Variants in COPS7B observed in about 807,000 individuals in gnomAD.
The protein encoded by COPS7B is COP9 signalosome complex subunit 7b.
COPS7B carries 9 observed loss-of-function variants against 33.4 expected under a neutral mutation model. The observed-to-expected ratio is 0.27, with a 90% confidence interval of 0.16 to 0.47. The LOEUF is 0.47. Ranked by LOEUF, COPS7B falls within the 20% of genes least tolerant of loss-of-function variation. The probability of loss-of-function intolerance (pLI) is 0.99; values close to 1 mark genes in which losing one functional copy is unlikely to be tolerated. For missense variants in COPS7B, 242 were observed against 318.2 expected (o/e 0.76, Z 1.82); for synonymous variants, 119 against 126.3 (o/e 0.94, Z 0.39).
chr2:231,798,288 G>A (rs115443069), intron 5 of COPS7B, among the ~76,000 whole-genome samples: 6 of 114,428 alleles, frequency 5.2e-5, no homozygotes, highest in Non-Finnish European at 8.5e-5. Flanking sequence ...GCAGAGTTTC[G>A]CTCTGTCACC....
chr2:231,782,566 C>T (rs929992058), upstream of COPS7B, among the ~76,000 whole-genome samples: 10 of 152,140 alleles, frequency 6.6e-5, no homozygotes, highest in Admixed American at 6.6e-4. Context: ...TGTAATTCAA[C>T]AAATATCTTT....
In COPS7B at chr2:231,809,003, T is replaced by C. The variant is rs2049977939; in HGVS notation, c.*1358T>C. ...GGTGGTTCAGGAAAATGTGATGCTG[T>C]TTCCCCATGTTTAGCCATGGTCAAA... On this transcript the variant is annotated 3_prime_UTR_variant, in exon 7 of 7. Coordinates refer to ENST00000350033, the MANE Select transcript of COPS7B (RefSeq NM_022730.4). 1 of 152,426 alleles carries C rather than the reference T, an allele frequency of 6.6e-6. No individual in the cohort carries two copies. Among genetic ancestry groups the C allele is most frequent in the South Asian group, 2.1e-4 (1 of 4,842 alleles). The allele number at this position is 152,426 out of a possible 1,614,324, so 9.4% of individuals were successfully genotyped here. A position where few individuals can be genotyped will look rare whatever the true frequency, so the allele number is the denominator to read the frequency against.
upstream of COPS7B, chr2:231,781,833 C>T (rs1386120790): frequency 3.9e-6 from 6 of 1,550,764 alleles, no homozygotes; most frequent in East Asian, 2.4e-5. Context: ...GATGACAGCC[C>T]GCAGAGAGTT....
intron 3 of COPS7B, among the ~76,000 whole-genome samples, chr2:231,792,610 TTA>T (rs2049449741): frequency 6.6e-6 from 1 of 152,240 alleles, no homozygotes; most frequent in African/African-American, 2.4e-5. Flanking sequence ...GTATACAGTT[TTA>T]TGTCTTGCTT....
At chr2:231,787,452 CTGT>C (rs2106306587) in intron 1 of COPS7B, among the ~76,000 whole-genome samples, 1 of 152,330 alleles carries the variant, frequency 6.6e-6, no homozygotes, top group East Asian at 1.9e-4. Flanking sequence ...CCTGGAACTC[CTGT>C]ACACTCAGCG....
At chr2:231,799,091 G>C in intron 6 of COPS7B, 127 bp downstream of exon 6, 1 of 763,294 alleles carries the variant, frequency 1.3e-6, no homozygotes, top group Non-Finnish European at 2.2e-6. Flanking sequence ...AGTGGGCCTG[G>C]GCTAGGTGCT....
chr2:231,807,792 C>T lies in COPS7B; in HGVS notation c.*147C>T. The T allele has an allele frequency of 2.9e-6, 2 of 686,158 alleles. No individual in the cohort carries two copies. Among genetic ancestry groups the T allele is most frequent in the South Asian group, 4.1e-5 (2 of 48,370 alleles). 42.5% of individuals were successfully genotyped at this position (686,158 alleles called of 1,614,324 possible). ...CCTCCCCACCCTGTTGGTACTGTTC[C>T]AGAAAAACTGTTACTCCCCCTCACC... On this transcript the variant is annotated 3_prime_UTR_variant, in exon 7 of 7. Coordinates refer to ENST00000350033, the MANE Select transcript of COPS7B (RefSeq NM_022730.4).
At chr2:231,787,592 C>T (rs370782818) in intron 1 of COPS7B, among the ~76,000 whole-genome samples, 23 of 150,654 alleles carry the variant, frequency 1.5e-4, no homozygotes, top group African/African-American at 5.4e-4. Context: ...TTTACACATT[C>T]TGAAGTCACG....
At chr2:231,797,459 C>T (rs2049604505) in intron 5 of COPS7B, among the ~76,000 whole-genome samples, 1 of 152,222 alleles carries the variant, frequency 6.6e-6, no homozygotes, top group Non-Finnish European at 1.5e-5. Context: ...GTCTGGCACA[C>T]AAAATCTAGT....
At chr2:231,784,227 ATC>A (rs1449139848), upstream of COPS7B, among the ~76,000 whole-genome samples, 2 of 151,896 alleles carry the variant, frequency 1.3e-5, no homozygotes, top group Non-Finnish European at 2.9e-5. Flanking sequence ...CACGCCTGTA[ATC>A]TCAGCACTCT....
chr2:231,783,555 G>A (rs1221049351), upstream of COPS7B, among the ~76,000 whole-genome samples: 1 of 152,140 alleles, frequency 6.6e-6, no homozygotes, highest in Non-Finnish European at 1.5e-5. Context: ...CTAGTTGAAC[G>A]TCCTCTTTCG....
intron 1 of COPS7B, among the ~76,000 whole-genome samples, chr2:231,787,658 T>G (rs1450733321): frequency 6.6e-6 from 1 of 152,210 alleles, no homozygotes; most frequent in Non-Finnish European, 1.5e-5. Context: ...TTCCCCATGG[T>G]CTTACACAGC....
intron 3 of COPS7B, 48 bp downstream of exon 3, chr2:231,791,856 C>T: frequency 6.6e-6 from 10 of 1,521,356 alleles, no homozygotes; most frequent in Non-Finnish European, 9.1e-6. Flanking sequence ...TTATGTTGCT[C>T]AGTTTGGAAG....
intron 6 of COPS7B, among the ~76,000 whole-genome samples, chr2:231,806,457 G>A (rs78323264): frequency 0.015 from 2,219 of 151,814 alleles, 64 homozygotes; most frequent in African/African-American, 0.051. Context: ...GGAGGCTGAG[G>A]TGGGAGGATC....
chr2:231,782,295 C>T (rs192203272), upstream of COPS7B, among the ~76,000 whole-genome samples: 108 of 152,366 alleles, frequency 7.1e-4, no homozygotes, highest in Non-Finnish European at 3.1e-4. Context: ...ACTGTTGAAA[C>T]ACCCAGAATT....
intron 6 of COPS7B, among the ~76,000 whole-genome samples, chr2:231,807,106 G>A (rs2049916199): frequency 1.3e-5 from 2 of 152,202 alleles, no homozygotes; most frequent in African/African-American, 2.4e-5. Context: ...AAGGTTCATG[G>A]AGCTGTATTC....
chr2:231,782,628 C>T (rs556404451), upstream of COPS7B, among the ~76,000 whole-genome samples: 2 of 152,248 alleles, frequency 1.3e-5, no homozygotes, highest in East Asian at 3.9e-4. Context: ...AGGACATGGT[C>T]ACTGCCACCA....
At chr2:231,802,880 G>C (rs944862154) in intron 6 of COPS7B, among the ~76,000 whole-genome samples, 3 of 152,246 alleles carry the variant, frequency 2.0e-5, no homozygotes, top group Non-Finnish European at 2.9e-5. Flanking sequence ...AAGCTGACTT[G>C]AGCAAAGTGT....
chr2:231,790,239 G>T (rs951111344), intron 2 of COPS7B: 1 of 152,242 alleles, frequency 6.6e-6, no homozygotes, highest in Non-Finnish European at 1.5e-5. Context: ...GTGGAAGATT[G>T]GCTAAGAGGA....
Sources: gnomAD v4.1 joint callset for allele counts (sites outside exome capture counted in the v4.1 genomes callset) on GRCh38, gnomAD v4.1.1 for gene constraint, MANE v1.5 for transcripts, NCBI Gene and HGNC (gene_info 2026-07-23, HGNC 2026-07-21) for gene names.